Variants in BRD4 observed in about 807,000 individuals in gnomAD.
BRD4 encodes the protein bromodomain-containing protein 4.
In BRD4, 16 loss-of-function variants were observed where a neutral mutation model predicts 142.1. The ratio of observed to expected loss-of-function variants is 0.11; its 90% CI spans 0.08 to 0.17. The LOEUF (loss-of-function observed/expected upper bound fraction) is 0.17. Ranked by LOEUF, BRD4 falls within the 10% of genes least tolerant of loss-of-function variation. The pLI is 1.00. For missense variants in BRD4, 1,424 were observed against 1,810.9 expected (o/e 0.79, Z 3.88); for synonymous variants, 833 against 707.5 (o/e 1.18, Z -2.82).
chr19:15,244,270 G>A lies in BRD4; in HGVS notation c.2542C>T (p.Pro848Ser), dbSNP rs201601327. The change falls in exon 13 of 20, where the codon CCA becomes TCA. Residue 848 changes from proline to serine, a missense_variant. Transcript: ENST00000679869. ...ACTGCGTGCTGGTTGAGATGGGGTG[G>A]AGTGCTGTGCTCAGGCGGCTGGGGC... ...HLPQPPEHST[P>S]PHLNQHAVVS... The A allele has an allele frequency of 6.3e-7, 1 of 1,586,514 alleles. No individual in the cohort carries two copies. The highest frequency in any genetic ancestry group is 8.6e-7 in the Non-Finnish European group (1 of 1,168,688).
chr19:15,250,176 C>T (rs1243250627), intron 11 of BRD4, among the ~76,000 whole-genome samples: 5 of 152,186 alleles, frequency 3.3e-5, no homozygotes, highest in African/African-American at 1.2e-4. Context: ...CCACAAGGCT[C>T]GCCCTCACCC....
At chr19:15,314,242 T>C (rs999069264) in intron 1 of BRD4, among the ~76,000 whole-genome samples, 2 of 152,126 alleles carry the variant, frequency 1.3e-5, no homozygotes, top group African/African-American at 4.8e-5. Context: ...TGTGGACGCA[T>C]AGAATGAATG....
At position 15,238,246 on chromosome 19, in the gene BRD4, G is replaced by C; in HGVS notation, c.*131C>G. ...TCAGCTGCCCGTCAGGCCTGCCCCG[G>C]GCATAGCATGCAGGAGGGCCAGGCC... is the stretch of plus-strand genomic sequence containing the variant. On this transcript the variant is annotated 3_prime_UTR_variant, in exon 20 of 20. Coordinates refer to ENST00000679869, the MANE Select transcript of BRD4 (RefSeq NM_001379291.1). This position sits in a 1 kb window ranked among gnomAD's most constrained non-coding sequence, Gnocchi z 7.2. 6.9e-7 allele frequency: 1 copy of C among 1,459,422 alleles called. No individual in the cohort carries two copies. The highest frequency in any genetic ancestry group is 9.3e-7 in the Non-Finnish European group (1 of 1,079,412). 90.4% of individuals were successfully genotyped at this position (1,459,422 alleles called of 1,614,324 possible).
intron 11 of BRD4, chr19:15,249,252 C>T (rs752575593): frequency 1.4e-5 from 22 of 1,613,796 alleles, no homozygotes; most frequent in Admixed American, 3.3e-5. Context: ...AACTGAAGAC[C>T]GTTTTATTAA....
intron 11 of BRD4, 174 bp downstream of exon 11, chr19:15,253,978 A>AG: frequency 1.4e-6 from 1 of 700,300 alleles, no homozygotes; most frequent in Non-Finnish European, 2.4e-6. Flanking sequence ...CACAGAGTGC[A>AG]GGGCTATTCA....
At chr19:15,307,545 C>A (rs953700873) in intron 1 of BRD4, among the ~76,000 whole-genome samples, 11 of 152,182 alleles carry the variant, frequency 7.2e-5, no homozygotes, top group African/African-American at 2.7e-4. Context: ...TAAAACACAT[C>A]AGAGGTACAG....
intron 14 of BRD4, among the ~76,000 whole-genome samples, chr19:15,240,559 CG>C (rs1429074429): frequency 4.6e-5 from 7 of 152,180 alleles, no homozygotes; most frequent in African/African-American, 1.4e-4. Flanking sequence ...CACGCCCCCA[CG>C]GAAGAGAGAA....
intron 3 of BRD4, among the ~76,000 whole-genome samples, 153 bp from the exon 4 acceptor site, chr19:15,267,704 C>A (rs2047549144): frequency 1.3e-5 from 2 of 151,784 alleles, no homozygotes; most frequent in African/African-American, 4.8e-5. Context: ...GCCACAATGG[C>A]TACACTACCA....
intron 1 of BRD4, among the ~76,000 whole-genome samples, chr19:15,295,739 G>A (rs553746415): frequency 1.5e-4 from 23 of 152,384 alleles, no homozygotes; most frequent in Admixed American, 1.4e-3. Context: ...GGGAGGCCGA[G>A]GCAGGTGGAT....
At chr19:15,273,591 A>G (rs1008990362) in intron 1 of BRD4, among the ~76,000 whole-genome samples, 5 of 152,224 alleles carry the variant, frequency 3.3e-5, no homozygotes, top group Non-Finnish European at 7.3e-5. Context: ...GCATCGAGCA[A>G]AGTCAATCAT....
At chr19:15,308,395 T>C (rs534981991) in intron 1 of BRD4, among the ~76,000 whole-genome samples, 2 of 151,314 alleles carry the variant, frequency 1.3e-5, no homozygotes, top group South Asian at 4.2e-4. Flanking sequence ...GAGAGCAGAC[T>C]GGCCAATGTG....
At chr19:15,249,023 T>C in intron 11 of BRD4, 2 of 560,580 alleles carry the variant, frequency 3.6e-6, no homozygotes, top group South Asian at 4.4e-5. Flanking sequence ...CCAGGAAGGC[T>C]GGGCAGGACA....
At chr19:15,308,115 C>CAAAAAAAAA (rs57642262) in intron 1 of BRD4, among the ~76,000 whole-genome samples, 1 of 21,184 alleles carries the variant, frequency 4.7e-5, no homozygotes, top group African/African-American at 2.8e-4. Context: ...GACTCCGTCT[C>CAAAAAAAAA]AAAAAAAAAA....
chr19:15,299,623 A>T (rs1349602109), intron 1 of BRD4, among the ~76,000 whole-genome samples: 9 of 152,188 alleles, frequency 5.9e-5, no homozygotes. Flanking sequence ...ACATGTAGAG[A>T]CACACACAGA....
rs2047190138 is a variant in BRD4, at chr19:15,236,101, C to A, written c.*2276G>T. ...TCTGGCTGGATGCCTGAACCACACC[C>A]TCACAGGGAGGTTTGGCAGATCCAA... On this transcript the variant is annotated 3_prime_UTR_variant, in exon 20 of 20. Transcript: ENST00000679869. The A allele has an allele frequency of 6.6e-6, 1 of 152,190 alleles. No individual in the cohort carries two copies. Among genetic ancestry groups the A allele is most frequent in the Non-Finnish European group, 1.5e-5 (1 of 68,044 alleles). 9.4% of individuals were successfully genotyped at this position (152,190 alleles called of 1,614,324 possible). A position where few individuals can be genotyped will look rare whatever the true frequency, so the allele number is the denominator to read the frequency against.
chr19:15,256,243 C>T lies in BRD4; in HGVS notation c.1572G>A (p.Gln524=). The T allele has an allele frequency of 6.2e-7, 1 of 1,613,030 alleles. No homozygotes were observed. ...GCTGGGGCTGAGAGAGGGCTGCAAG[C>T]TGCTCGTGCACGGCTTTGAGCTGTA... ...LQEQLKAVHE[Q]LAALSQPQQN... The change falls in exon 9 of 20, where the codon CAG becomes CAA. Residue 524 remains glutamine (Q), a synonymous_variant. Transcript: ENST00000679869.
chr19:15,324,494 C>T (rs1304461502), intron 1 of BRD4, among the ~76,000 whole-genome samples: 1 of 152,228 alleles, frequency 6.6e-6, no homozygotes, highest in East Asian at 1.9e-4. Context: ...AGGACCTCCA[C>T]ACATCCAGCT....
chr19:15,254,315 G>T, intron 10 of BRD4, 53 bp from the exon 11 acceptor site: 1 of 1,484,042 alleles, frequency 6.7e-7, no homozygotes, highest in Non-Finnish European at 9.4e-7. Context: ...CCAGGAAGCC[G>T]CTCTAAGCCA....
intron 11 of BRD4, chr19:15,248,487 T>C (rs1459079109): frequency 4.5e-6 from 1 of 220,312 alleles, no homozygotes; most frequent in African/African-American, 2.2e-5. Flanking sequence ...AGTGCCTGCC[T>C]GGCAGGTCCT....
Sources: gnomAD v4.1 joint callset for allele counts (sites outside exome capture counted in the v4.1 genomes callset) on GRCh38, gnomAD v4.1.1 for gene constraint, Gnocchi (gnomAD v3.1) non-coding constraint, MANE v1.5 for transcripts, NCBI Gene and HGNC (gene_info 2026-07-23, HGNC 2026-07-21) for gene names.